The following KLHL1 variants were observed in gnomAD, a reference collection of about 807,000 sequenced individuals.
KLHL1 encodes the protein kelch-like protein 1.
In KLHL1, 47 loss-of-function variants were observed where a neutral mutation model predicts 77.7. The observed-to-expected ratio is 0.60, with a 90% confidence interval of 0.48 to 0.77. The LOEUF is 0.77. KLHL1 is among the 30% of genes least tolerant of loss of function. The pLI, the probability that KLHL1 is intolerant of heterozygous loss-of-function variation, is 0.00. For missense variants in KLHL1, 925 were observed against 910.8 expected, an observed-to-expected ratio of 1.02 and a Z score of -0.20; for synonymous variants, 360 against 325.2, an observed-to-expected ratio of 1.11 and a Z score of -1.15.
chr13:69,970,893 A>G (rs1818497531), intron 2 of KLHL1, among the ~76,000 whole-genome samples: 1 of 152,050 alleles, frequency 6.6e-6, no homozygotes, highest in Admixed American at 6.6e-5. Flanking sequence ...TCATCCTTCA[A>G]AATACTGCTC....
intron 8 of KLHL1, among the ~76,000 whole-genome samples, chr13:69,721,402 C>T (rs188446438): frequency 1.2e-3 from 183 of 151,442 alleles, no homozygotes; most frequent in African/African-American, 4.1e-3. Context: ...TCAGGTCTCC[C>T]GAGGCTGTGT....
intron 1 of KLHL1, among the ~76,000 whole-genome samples, chr13:69,997,647 T>C (rs1375704334): frequency 6.8e-6 from 1 of 146,498 alleles, no homozygotes; most frequent in African/African-American, 2.5e-5. Flanking sequence ...TTCCTTTTCT[T>C]AGCTGACTAA....
intron 7 of KLHL1, among the ~76,000 whole-genome samples, chr13:69,774,832 A>G (rs540345146): frequency 6.6e-6 from 1 of 152,316 alleles, no homozygotes; most frequent in East Asian, 1.9e-4. Context: ...TGTACAAGTC[A>G]GCTTATCATT....
chr13:69,729,767 G>GA (rs202109762), intron 8 of KLHL1, among the ~76,000 whole-genome samples: 3 of 151,082 alleles, frequency 2.0e-5, no homozygotes, highest in African/African-American at 4.9e-5. Context: ...CAATTTAAAG[G>GA]AAAAAAAATC....
chr13:69,780,757 T>TATATACAC (rs1555267704), intron 7 of KLHL1, among the ~76,000 whole-genome samples: 1 of 128,138 alleles, frequency 7.8e-6, no homozygotes, highest in African/African-American at 3.1e-5. Flanking sequence ...TATATATATA[T>TATATACAC]ACACACACAT....
chr13:69,861,799 A>AAAAAG (rs1880175276), intron 5 of KLHL1, among the ~76,000 whole-genome samples: 1 of 148,052 alleles, frequency 6.8e-6, no homozygotes, highest in South Asian at 2.1e-4. Flanking sequence ...AAAAAAAAAA[A>AAAAAG]AAAAAAAAAT....
At chr13:70,021,823 G>T (rs1024824887) in intron 1 of KLHL1, among the ~76,000 whole-genome samples, 1 of 151,914 alleles carries the variant, frequency 6.6e-6, no homozygotes, top group African/African-American at 2.4e-5. Flanking sequence ...CCATTTTTAA[G>T]AAATTGGTTT....
At chr13:69,976,547 G>A (rs1214072589) in intron 1 of KLHL1, among the ~76,000 whole-genome samples, 1 of 151,990 alleles carries the variant, frequency 6.6e-6, no homozygotes, top group Non-Finnish European at 1.5e-5. Context: ...TAATATTCAA[G>A]TTTCATGATA....
intron 8 of KLHL1, among the ~76,000 whole-genome samples, chr13:69,736,405 G>C (rs1873763658): frequency 6.6e-6 from 1 of 152,136 alleles, no homozygotes; most frequent in Non-Finnish European, 1.5e-5. Flanking sequence ...TTTTGGCATG[G>C]ATGTGGTGAA....
chr13:70,025,651 G>A (rs1292095973), intron 1 of KLHL1, among the ~76,000 whole-genome samples: 1 of 151,396 alleles, frequency 6.6e-6, no homozygotes, highest in Non-Finnish European at 1.5e-5. Context: ...GTCACAATTT[G>A]TAAATATGTG....
At chr13:69,915,192 C>T (rs1415406035) in intron 4 of KLHL1, among the ~76,000 whole-genome samples, 1 of 152,064 alleles carries the variant, frequency 6.6e-6, no homozygotes, top group Non-Finnish European at 1.5e-5. Flanking sequence ...GATTCAATGC[C>T]ATCCCCATCA....
chr13:69,910,405 G>A (rs991541016), intron 4 of KLHL1, among the ~76,000 whole-genome samples: 1 of 152,032 alleles, frequency 6.6e-6, no homozygotes, highest in African/African-American at 2.4e-5. Flanking sequence ...TGATGTATTA[G>A]TAAATCAGAG....
At chr13:69,865,423 C>A (rs1185662869) in intron 5 of KLHL1, among the ~76,000 whole-genome samples, 1 of 152,114 alleles carries the variant, frequency 6.6e-6, no homozygotes, top group Non-Finnish European at 1.5e-5. Context: ...CTAAGAATAA[C>A]ATATATGATT....
At chr13:69,874,294 T>C (rs2138181336) in intron 5 of KLHL1, among the ~76,000 whole-genome samples, 1 of 152,212 alleles carries the variant, frequency 6.6e-6, no homozygotes, top group South Asian at 2.1e-4. Flanking sequence ...CCTCTTCCCT[T>C]ATCTCTCTAT....
intron 1 of KLHL1, among the ~76,000 whole-genome samples, chr13:69,994,742 G>A (rs763996526): frequency 5.3e-5 from 8 of 152,032 alleles, no homozygotes; most frequent in Non-Finnish European, 8.8e-5. Flanking sequence ...AGGGGTTAAC[G>A]TAAGCCTCTA....
chr13:69,727,149 G>A (rs1007286801), intron 8 of KLHL1, among the ~76,000 whole-genome samples: 2 of 152,110 alleles, frequency 1.3e-5, no homozygotes, highest in South Asian at 2.1e-4. Flanking sequence ...ATTAAACTAT[G>A]CTTTGGATGG....
chr13:69,789,908 A>C (rs1322904958), intron 7 of KLHL1, among the ~76,000 whole-genome samples: 2 of 152,176 alleles, frequency 1.3e-5, no homozygotes, highest in Non-Finnish European at 2.9e-5. Context: ...TGTAACTTAG[A>C]GCTACCTAAT....
intron 3 of KLHL1, among the ~76,000 whole-genome samples, chr13:69,949,414 G>T (rs187379900): frequency 1.9e-4 from 29 of 151,480 alleles, no homozygotes; most frequent in African/African-American, 7.0e-4. Context: ...TATTAGACTG[G>T]GGTTATGAAT....
chr13:69,710,223 T>G (rs768963741), intron 9 of KLHL1, among the ~76,000 whole-genome samples: 8 of 151,782 alleles, frequency 5.3e-5, no homozygotes, highest in Non-Finnish European at 1.0e-4. Context: ...TTAAGAATAC[T>G]CATTTGTCCT....
Sources: allele counts gnomAD v4.1 joint callset (sites outside exome capture counted in the v4.1 genomes callset), GRCh38; gene constraint gnomAD v4.1.1; transcripts MANE v1.5; gene names NCBI Gene and HGNC (gene_info 2026-07-23, HGNC 2026-07-21).